Variants in ALK observed in about 807,000 individuals in gnomAD.
The protein encoded by ALK is ALK tyrosine kinase receptor.
In ALK, 74 loss-of-function variants were observed where a neutral mutation model predicts 163.1. The observed-to-expected ratio is 0.45, with a 90% CI of 0.38 to 0.55. ALK has a LOEUF of 0.55. Ranked by LOEUF, ALK falls within the 20% of genes least tolerant of loss-of-function variation. The pLI, the probability that ALK is intolerant of heterozygous loss-of-function variation, is 0.00. For missense variants in ALK, 2,063 were observed against 2,105.3 expected, an observed-to-expected ratio of 0.98 and a Z score of 0.39; for synonymous variants, 960 against 843.2, an observed-to-expected ratio of 1.14 and a Z score of -2.40.
intron 3 of ALK, among the ~76,000 whole-genome samples, chr2:29,536,713 G>C (rs1673266466): frequency 6.6e-6 from 1 of 152,194 alleles, no homozygotes; most frequent in Non-Finnish European, 1.5e-5. Flanking sequence ...ACGAGGGAAA[G>C]TTTGGAACTT....
intron 3 of ALK, among the ~76,000 whole-genome samples, chr2:29,536,088 A>G (rs577743452): frequency 7.4e-4 from 113 of 152,306 alleles, no homozygotes; most frequent in Non-Finnish European, 1.4e-3. Flanking sequence ...AATGTCTGGT[A>G]TGCAACACAA....
At chr2:29,214,179 G>A (rs558751259) in intron 23 of ALK, 98 bp from the exon 24 acceptor site, 39 of 999,110 alleles carry the variant, frequency 3.9e-5, no homozygotes, top group African/African-American at 3.7e-4. Context: ...GAGGCAGACC[G>A]TGAACATGCA....
At position 29,492,174 on chromosome 2, in the gene ALK, A is replaced by G. The variant is rs551726864; in HGVS notation, c.1154+39741T>C. 3.3e-5 allele frequency among the ~76,000 whole-genome samples: 5 copies of G among 152,292 alleles called. No homozygotes were observed. The South Asian group carries it at 8.3e-4, about 25-fold the overall frequency. ...ATTGTAGGGCCTGCTTTAATAGGTA[A>G]TCATATTAATTGACAACACTATATT... On this transcript the variant is annotated intron_variant, in intron 4 of 28. Coordinates refer to ENST00000389048, the MANE Select transcript of ALK (RefSeq NM_004304.5).
chr2:29,377,795 G>T (rs574770465), intron 5 of ALK, among the ~76,000 whole-genome samples: 40 of 152,122 alleles, frequency 2.6e-4, no homozygotes, highest in Non-Finnish European at 5.1e-4. Flanking sequence ...CATAATAATG[G>T]GACTGCATTT....
chr2:29,311,293 G>C (rs747951707), intron 8 of ALK, among the ~76,000 whole-genome samples: 2 of 152,172 alleles, frequency 1.3e-5, no homozygotes, highest in African/African-American at 2.4e-5. Flanking sequence ...GGGATGGAGT[G>C]AGATCCTAAA....
chr2:29,413,137 T>C (rs565023865), intron 4 of ALK, among the ~76,000 whole-genome samples: 1 of 152,322 alleles, frequency 6.6e-6, no homozygotes, highest in African/African-American at 2.4e-5. Context: ...GTGGATTTTG[T>C]GTGCTTAGGG....
intron 8 of ALK, among the ~76,000 whole-genome samples, chr2:29,303,934 C>T (rs1177778463): frequency 6.6e-6 from 1 of 152,168 alleles, no homozygotes; most frequent in African/African-American, 2.4e-5. Context: ...GGGTAGTAAA[C>T]TCACTATTTG....
intron 4 of ALK, among the ~76,000 whole-genome samples, chr2:29,479,680 T>C (rs1671614631): frequency 1.3e-5 from 2 of 152,188 alleles, no homozygotes; most frequent in African/African-American, 4.8e-5. Flanking sequence ...GGCAATTTGA[T>C]TGAAGACCAC....
At chr2:29,271,384 C>G (rs1307546670) in intron 11 of ALK, among the ~76,000 whole-genome samples, 1 of 152,224 alleles carries the variant, frequency 6.6e-6, no homozygotes, top group Non-Finnish European at 1.5e-5. Context: ...GTTCTTGAAT[C>G]AGGAGCGTGT....
chr2:29,693,406 T>TACACACACACACAC (rs58588313), intron 3 of ALK, among the ~76,000 whole-genome samples: 28 of 145,270 alleles, frequency 1.9e-4, no homozygotes, highest in Non-Finnish European at 3.0e-4. Context: ...AGCACTCACC[T>TACACACACACACAC]ACACACACAC....
At chr2:29,664,651 C>G (rs1677454157) in intron 3 of ALK, among the ~76,000 whole-genome samples, 1 of 152,172 alleles carries the variant, frequency 6.6e-6, no homozygotes, top group African/African-American at 2.4e-5. Context: ...TCTTCACAAG[C>G]TGGTTCTAAA....
intron 3 of ALK, among the ~76,000 whole-genome samples, chr2:29,633,267 T>C (rs1676429384): frequency 1.3e-5 from 2 of 152,106 alleles, no homozygotes; most frequent in Non-Finnish European, 1.5e-5. Flanking sequence ...CTTTAGAACA[T>C]GCTGAAAAGG....
intron 4 of ALK, among the ~76,000 whole-genome samples, chr2:29,445,871 G>A (rs1157922980): frequency 2.6e-5 from 4 of 151,138 alleles, no homozygotes; most frequent in African/African-American, 4.9e-5. Flanking sequence ...AGGCCGAGGC[G>A]GGCGGATCAC....
intron 4 of ALK, among the ~76,000 whole-genome samples, chr2:29,400,858 C>T (rs1371257820): frequency 2.6e-5 from 4 of 152,112 alleles, no homozygotes; most frequent in Admixed American, 2.6e-4. Context: ...GCCTGTAGCC[C>T]CAGCTACTTG....
intron 3 of ALK, among the ~76,000 whole-genome samples, chr2:29,619,755 C>A (rs1675973824): frequency 6.6e-6 from 1 of 152,226 alleles, no homozygotes; most frequent in Admixed American, 6.5e-5. Flanking sequence ...ATATTTAAAA[C>A]CCCTCCTGGG....
chr2:29,760,174 C>A (rs1680659732), intron 1 of ALK, among the ~76,000 whole-genome samples: 1 of 152,022 alleles, frequency 6.6e-6, no homozygotes, highest in Admixed American at 6.6e-5. Context: ...CCTACACACC[C>A]ACACATCCCT....
intron 5 of ALK, among the ~76,000 whole-genome samples, chr2:29,363,064 A>G (rs1400866385): frequency 6.6e-6 from 1 of 151,890 alleles, no homozygotes; most frequent in Non-Finnish European, 1.5e-5. Flanking sequence ...TTCCCTTTCC[A>G]TTTTCCTTCC....
chr2:29,700,544 C>A (rs997161830), intron 2 of ALK, among the ~76,000 whole-genome samples: 1 of 152,064 alleles, frequency 6.6e-6, no homozygotes, highest in African/African-American at 2.4e-5. Context: ...AACTCCATCT[C>A]AAAAACACAA....
intron 1 of ALK, among the ~76,000 whole-genome samples, chr2:29,887,137 T>C (rs559507241): frequency 6.6e-6 from 1 of 152,318 alleles, no homozygotes; most frequent in Non-Finnish European, 1.5e-5. Flanking sequence ...TTGTATTATA[T>C]CTCATAAATG....
Sources: gnomAD v4.1 joint callset for allele counts (sites outside exome capture counted in the v4.1 genomes callset) on GRCh38, gnomAD v4.1.1 for gene constraint, MANE v1.5 for transcripts, NCBI Gene and HGNC (gene_info 2026-07-23, HGNC 2026-07-21) for gene names.